SLC22A16: variants seen among roughly 807,000 people sequenced by gnomAD.
SLC22A16 encodes the protein solute carrier family 22 member 16.
In SLC22A16, 53 loss-of-function variants were observed where a neutral mutation model predicts 52.9. The ratio of observed to expected loss-of-function variants is 1.00; its 90% CI spans 0.80 to 1.26. The LOEUF (loss-of-function observed/expected upper bound fraction) is 1.26, where lower values mean the gene tolerates loss of function less well. Among genes scored for constraint, SLC22A16 ranks in the 50% most tolerant of loss-of-function variants. The pLI is 0.00. For synonymous variants in SLC22A16, 291 were observed against 268.8 expected, an observed-to-expected ratio of 1.08 and a Z score of -0.81; for missense variants, 726 against 704.0, an observed-to-expected ratio of 1.03 and a Z score of -0.35.
intron 2 of SLC22A16, chr6:110,456,017 CTG>C (rs1775638511): frequency 6.6e-6 from 1 of 152,522 alleles, no homozygotes; most frequent in African/African-American, 2.4e-5. Flanking sequence ...ATTACCCAGT[CTG>C]TGGTATTTTG....
At chr6:110,430,191 A>G (rs1316919309) in intron 7 of SLC22A16, among the ~76,000 whole-genome samples, 1 of 151,802 alleles carries the variant, frequency 6.6e-6, no homozygotes, top group Non-Finnish European at 1.5e-5. Flanking sequence ...GGAGAATGTG[A>G]GGATTTGGTG....
intron 2 of SLC22A16, chr6:110,453,731 T>C: frequency 2.2e-6 from 1 of 456,024 alleles, no homozygotes. Context: ...CTCATCATAT[T>C]AGTTAATTTT....
At chr6:110,461,648 G>T (rs954379249) in intron 1 of SLC22A16, among the ~76,000 whole-genome samples, 3 of 152,148 alleles carry the variant, frequency 2.0e-5, no homozygotes, top group Non-Finnish European at 4.4e-5. Flanking sequence ...TAGTGTGTCA[G>T]CTCATACACC....
chr6:110,445,480 C>G (rs1048762570), intron 3 of SLC22A16, among the ~76,000 whole-genome samples: 1 of 152,174 alleles, frequency 6.6e-6, no homozygotes, highest in African/African-American at 2.4e-5. Context: ...GTTTACTTAG[C>G]ATTACACTCT....
Position 110,456,715 on chromosome 6 carries a change from C to G in SLC22A16, c.356G>C (p.Ser119Thr), listed in dbSNP as rs769351589. ...ATCCACACAAGGAAACTCTTTCTTA[C>G]TGCCAGTGTATTCATAGCCCAAACT... Reference protein sequence around the residue: ...TSSLGYEYTGSKKEFPCVDGY... With the variant: ...TSSLGYEYTGTKKEFPCVDGY... The change falls in exon 2 of 8, where the codon AGT becomes ACT. Residue 119 changes from serine to threonine, a missense_variant. Ser to Thr is a moderately conservative substitution (Grantham distance 58). Coordinates refer to ENST00000368919, the MANE Select transcript of SLC22A16 (RefSeq NM_033125.4). 1 of 1,614,156 alleles carries G rather than the reference C, an allele frequency of 6.2e-7. No individual in the cohort carries two copies. The highest frequency in any genetic ancestry group is 1.1e-5 in the South Asian group (1 of 91,082).
intron 5 of SLC22A16, among the ~76,000 whole-genome samples, chr6:110,438,219 T>C (rs560149194): frequency 6.6e-6 from 1 of 152,364 alleles, no homozygotes; most frequent in Non-Finnish European, 1.5e-5. Context: ...GAATGTTCAG[T>C]ATGATGATGC....
intron 1 of SLC22A16, among the ~76,000 whole-genome samples, chr6:110,461,264 C>A (rs1223233686): frequency 6.6e-6 from 1 of 152,184 alleles, no homozygotes; most frequent in African/African-American, 2.4e-5. Flanking sequence ...GTGGTAGCCA[C>A]AATCGAAGCC....
intron 2 of SLC22A16, among the ~76,000 whole-genome samples, chr6:110,453,266 G>T: frequency 6.6e-6 from 1 of 152,084 alleles, no homozygotes; most frequent in East Asian, 1.9e-4. Flanking sequence ...TGAAGTCTTT[G>T]TGCAGAAGTC....
chr6:110,451,141 T>A (rs116863065), intron 2 of SLC22A16, among the ~76,000 whole-genome samples: 1,886 of 152,376 alleles, frequency 0.012, 14 homozygotes, highest in South Asian at 0.051. Context: ...CATGTAGCTG[T>A]GTCTCATTCA....
chr6:110,456,972 A>G lies in SLC22A16; in HGVS notation c.99T>C (p.Ser33=), dbSNP rs755925955. 1.3e-6 allele frequency: 2 copies of G among 1,578,470 alleles called. No homozygotes were observed. Among genetic ancestry groups the G allele is most frequent in the Non-Finnish European group, 1.7e-6 (2 of 1,163,578 alleles). Reference sequence around the variant, plus strand: ...CAGAAGCCAAGTAGTGAATACCACAAGAGATGTTCTGGAAGGCACATATGA... The same window carrying G: ...CAGAAGCCAAGTAGTGAATACCACAGGAGATGTTCTGGAAGGCACATATGA... The part of the protein sequence containing the change: ...LYFICAFQNI[S]CGIHYLASVF... The change falls in exon 2 of 8, where the codon TCT becomes TCC. Residue 33 remains serine (S), a synonymous_variant. Coordinates refer to ENST00000368919, the MANE Select transcript of SLC22A16 (RefSeq NM_033125.4).
At chr6:110,427,884 T>A (rs117767712) in intron 7 of SLC22A16, among the ~76,000 whole-genome samples, 1,625 of 152,308 alleles carry the variant, frequency 0.011, 14 homozygotes, top group Non-Finnish European at 0.017. Context: ...GCCCTTCTCT[T>A]CGGGACTGGT....
At chr6:110,455,365 C>G (rs1384869142) in intron 2 of SLC22A16, 4 of 152,084 alleles carry the variant, frequency 2.6e-5, no homozygotes, top group African/African-American at 9.7e-5. Context: ...AACACTAATA[C>G]CTAGCACCTT....
At chr6:110,463,087 T>C (rs1582582414) in intron 1 of SLC22A16, among the ~76,000 whole-genome samples, 1 of 152,066 alleles carries the variant, frequency 6.6e-6, no homozygotes, top group East Asian at 1.9e-4. Context: ...AGGGAATTAA[T>C]CACCACTTGA....
chr6:110,460,713 G>A (rs1291833390), intron 1 of SLC22A16, among the ~76,000 whole-genome samples: 1 of 152,156 alleles, frequency 6.6e-6, no homozygotes, highest in African/African-American at 2.4e-5. Context: ...CCACTGCCCT[G>A]CCCAAGCAAC....
intron 1 of SLC22A16, 73 bp from the exon 2 acceptor site, chr6:110,457,090 T>C: frequency 1.4e-6 from 2 of 1,404,684 alleles, no homozygotes; most frequent in Non-Finnish European, 1.9e-6. Context: ...ATTTGAAGGG[T>C]CTCCATCATG....
intron 2 of SLC22A16, among the ~76,000 whole-genome samples, chr6:110,454,809 ATT>A (rs1489593973): frequency 9.7e-5 from 3 of 30,962 alleles, no homozygotes; most frequent in Admixed American, 5.5e-4. Flanking sequence ...TAATATATAT[ATT>A]ATATATGTTA....
chr6:110,446,227 C>T (rs1447793658), intron 3 of SLC22A16, among the ~76,000 whole-genome samples: 2 of 152,174 alleles, frequency 1.3e-5, no homozygotes, highest in Admixed American at 6.5e-5. Context: ...AGCATGGAAA[C>T]AGCCTCCTTG....
chr6:110,428,236 G>A (rs1313296334), intron 7 of SLC22A16, among the ~76,000 whole-genome samples: 2 of 152,046 alleles, frequency 1.3e-5, no homozygotes, highest in Non-Finnish European at 2.9e-5. Context: ...CAAGTTTAAT[G>A]GGAAATCTGA....
At position 110,466,992 on chromosome 6, in the gene SLC22A16, G is replaced by A. The variant is rs1459923564; in HGVS notation, c.53+9530C>T. On this transcript the variant is annotated intron_variant, in intron 1 of 7. Transcript: ENST00000368919. ...AGATAATCTGCATTCAATCTGATGA[G>A]TTATTACACATCATCTAGCCTCTGG... Among the ~76,000 whole-genome samples, 3 of 151,892 alleles carry A rather than the reference G, an allele frequency of 2.0e-5. No individual in the cohort carries two copies. In the East Asian group the frequency reaches 5.8e-4, roughly 29 times the overall value.
Sources: gnomAD v4.1 joint callset for allele counts (sites outside exome capture counted in the v4.1 genomes callset) on GRCh38, gnomAD v4.1.1 for gene constraint, MANE v1.5 for transcripts, NCBI Gene and HGNC (gene_info 2026-07-23, HGNC 2026-07-21) for gene names.